ACSL4: variants seen among roughly 807,000 people sequenced by gnomAD.
The protein encoded by ACSL4 is long-chain-fatty-acid--CoA ligase 4.
Under a neutral mutation model 49.1 loss-of-function variants are expected in ACSL4, and 9 were observed. The ratio of observed to expected loss-of-function variants is 0.18; its 90% CI spans 0.11 to 0.32. The LOEUF (loss-of-function observed/expected upper bound fraction) is 0.32. ACSL4 is among the 10% of genes least tolerant of loss of function. The probability of loss-of-function intolerance (pLI) is 1.00; values close to 1 mark genes in which losing one functional copy is unlikely to be tolerated. For synonymous variants in ACSL4, 191 were observed against 170.3 expected, an observed-to-expected ratio of 1.12 and a Z score of -0.95; for missense variants, 333 against 493.7, an observed-to-expected ratio of 0.67 and a Z score of 3.08.
intron 15 of ACSL4, among the ~76,000 whole-genome samples, chrX:109,645,334 C>G (rs1054097995): frequency 1.8e-5 from 2 of 112,456 alleles, no homozygotes; most frequent in South Asian, 3.7e-4. Context: ...TGAGAATGGG[C>G]AGACTGCCTC....
intron 1 of ACSL4, among the ~76,000 whole-genome samples, chrX:109,699,188 G>A (rs1925680191): frequency 9.0e-6 from 1 of 111,507 alleles, no homozygotes; most frequent in Admixed American, 9.5e-5. Context: ...CCAACATGGC[G>A]AAACCCCATC....
chrX:109,694,986 C>G (rs1195495476), intron 2 of ACSL4, among the ~76,000 whole-genome samples: 2 of 111,516 alleles, frequency 1.8e-5, no homozygotes, highest in African/African-American at 6.5e-5. Context: ...TGTATACTTG[C>G]CCCGATACAT....
intron 1 of ACSL4, among the ~76,000 whole-genome samples, chrX:109,712,495 T>C (rs1926820955): frequency 8.9e-6 from 1 of 112,193 alleles, no homozygotes; most frequent in Non-Finnish European, 1.9e-5. Context: ...GTGTTCAGTG[T>C]GTTTACACTT....
chrX:109,670,936 G>T (rs771386306), intron 9 of ACSL4, among the ~76,000 whole-genome samples: 49 of 112,592 alleles, frequency 4.4e-4, no homozygotes, highest in African/African-American at 1.4e-3. Flanking sequence ...GCTCAATGTT[G>T]CCCAGGCTGG....
chrX:109,729,212 T>C (rs1056613688), intron 1 of ACSL4, among the ~76,000 whole-genome samples: 1 of 109,688 alleles, frequency 9.1e-6, no homozygotes, highest in African/African-American at 3.3e-5. Context: ...AGACTCCGTC[T>C]CAAAAAAATA....
At chrX:109,651,963 A>C (rs1480290820) in intron 15 of ACSL4, among the ~76,000 whole-genome samples, 2 of 111,924 alleles carry the variant, frequency 1.8e-5, no homozygotes, top group Admixed American at 9.5e-5. Context: ...AACAAGTGAG[A>C]AAGGTTAGGA....
chrX:109,686,156 C>T (rs1193089868), intron 2 of ACSL4, among the ~76,000 whole-genome samples: 2 of 111,995 alleles, frequency 1.8e-5, no homozygotes, highest in Non-Finnish European at 3.8e-5. Context: ...AAGTCCAGAA[C>T]AATCTTTACT....
intron 8 of ACSL4, 73 bp downstream of exon 8, chrX:109,677,915 G>A: frequency 8.5e-7 from 1 of 1,177,816 alleles, no homozygotes; most frequent in Non-Finnish European, 1.2e-6. Flanking sequence ...AATATCTCGA[G>A]TCCTAGTAAT....
At chrX:109,731,592 A>C (rs771181742) in intron 1 of ACSL4, among the ~76,000 whole-genome samples, 7 of 109,655 alleles carry the variant, frequency 6.4e-5, no homozygotes, top group Admixed American at 9.7e-5. Context: ...AAAAAAAAAA[A>C]CCCACAAAAT....
chrX:109,645,330 T>C lies in ACSL4; in HGVS notation c.1856-1144A>G, dbSNP rs936354650. On this transcript the variant is annotated intron_variant, in intron 15 of 15. Transcript: ENST00000672401. ...CAGCACGCAGCTGGAGATCTGAGAA[T>C]GGGCAGACTGCCTCCTCAAGTGGGT... 5.4e-3 allele frequency among the ~76,000 whole-genome samples: 600 copies of C among 111,343 alleles called. 6 individuals are homozygous for C. Among genetic ancestry groups the C allele is most frequent in the African/African-American group, 0.017 (509 of 30,487 alleles).
At chrX:109,665,337 G>C in intron 12 of ACSL4, 83 bp downstream of exon 12, 1 of 905,709 alleles carries the variant, frequency 1.1e-6, no homozygotes, top group South Asian at 2.0e-5. Context: ...TGCTTCCCCA[G>C]ACTTTAAAGA....
intron 14 of ACSL4, among the ~76,000 whole-genome samples, chrX:109,660,315 T>C (rs1029105067): frequency 2.7e-5 from 3 of 111,663 alleles, no homozygotes; most frequent in African/African-American, 6.5e-5. Context: ...AATATATGAA[T>C]GGCCAACAAT....
At chrX:109,705,182 A>G (rs780710989) in intron 1 of ACSL4, among the ~76,000 whole-genome samples, 33 of 112,379 alleles carry the variant, frequency 2.9e-4, no homozygotes, top group African/African-American at 9.4e-4. Context: ...TTCAAAGGCA[A>G]CTTTTTAATT....
At chrX:109,700,300 C>A (rs1338925921) in intron 1 of ACSL4, among the ~76,000 whole-genome samples, 1 of 107,319 alleles carries the variant, frequency 9.3e-6, no homozygotes, top group East Asian at 2.9e-4. Context: ...GAGGCCAAAG[C>A]GGGCAGATCA....
chrX:109,707,661 CA>C (rs1425763792), intron 1 of ACSL4, among the ~76,000 whole-genome samples: 4 of 106,282 alleles, frequency 3.8e-5, no homozygotes, highest in Non-Finnish European at 7.8e-5. Flanking sequence ...GAGATTCACA[CA>C]AAAAAATAGA....
In ACSL4 at chrX:109,643,942, T is replaced by TAA; in HGVS notation, c.*86_*87insTT. On this transcript the variant is annotated 3_prime_UTR_variant, in exon 16 of 16. Transcript: ENST00000672401. ...ATCTTTAGAATGATATACCTTACAT[T>TAA]CTAACAGTTCAACAAAGGCTTAAAA... 4.9e-6 allele frequency: 5 copies of TAA among 1,020,362 alleles called. No individual in the cohort carries two copies. Among genetic ancestry groups the TAA allele is most frequent in the Non-Finnish European group, 6.9e-6 (5 of 722,935 alleles). 84.1% of individuals were successfully genotyped at this position (1,020,362 alleles called of 1,213,427 possible). A position where few individuals can be genotyped will look rare whatever the true frequency, so the allele number is the denominator to read the frequency against.
chrX:109,708,637 C>T (rs893703393), intron 1 of ACSL4, among the ~76,000 whole-genome samples: 1 of 112,172 alleles, frequency 8.9e-6, no homozygotes, highest in Non-Finnish European at 1.9e-5. Context: ...AGCTAAGCAT[C>T]CTTTTGGTGT....
intron 2 of ACSL4, among the ~76,000 whole-genome samples, chrX:109,693,803 G>T (rs941983015): frequency 1.8e-5 from 2 of 111,847 alleles, no homozygotes; most frequent in African/African-American, 6.5e-5. Context: ...GAACACAACT[G>T]GCCAGATATG....
Position 109,663,345 on chromosome X carries a change from T to A in ACSL4, c.1448A>T (p.Gln483Leu), listed in dbSNP as rs1171781747. 1 of 1,210,657 alleles carries A rather than the reference T, an allele frequency of 8.3e-7. No homozygotes were observed. ...NPRGEIVIGG[Q>L]NISMGYFKNE... ...TTTAAAATATCCCATGGAGATGTTC[T>A]GTCCACCAATTACGATTTCACCTCT... Residue 483 changes from glutamine (Q) to leucine (L), a missense_variant, in exon 13 of 16, where the codon CAG becomes CTG. Physicochemically the swap from Gln to Leu is moderately radical, Grantham distance 113 (BLOSUM62 -2). Coordinates refer to ENST00000672401, the MANE Select transcript of ACSL4 (RefSeq NM_001318510.2).
Sources: gnomAD v4.1 joint callset for allele counts (sites outside exome capture counted in the v4.1 genomes callset) on GRCh38, gnomAD v4.1.1 for gene constraint, MANE v1.5 for transcripts, NCBI Gene and HGNC (gene_info 2026-07-23, HGNC 2026-07-21) for gene names.